The following SFMBT2 variants were observed in gnomAD, a reference collection of about 807,000 sequenced individuals.
SFMBT2 encodes scm-like with four MBT domains protein 2.
A neutral mutation model predicts 110.1 loss-of-function variants in SFMBT2; 38 were observed. The ratio of observed to expected loss-of-function variants is 0.35; its 90% confidence interval spans 0.27 to 0.45. The LOEUF (loss-of-function observed/expected upper bound fraction) is 0.45, where lower values mean the gene tolerates loss of function less well. Ranked by LOEUF, SFMBT2 falls within the 20% of genes least tolerant of loss-of-function variation. The pLI is 1.00. For missense variants in SFMBT2, 1,011 were observed against 1,094.9 expected (o/e 0.92, Z 1.08); for synonymous variants, 425 against 425.4 (o/e 1.00, Z 0.01).
intron 2 of SFMBT2, among the ~76,000 whole-genome samples, chr10:7,381,290 C>T (rs1845414814): frequency 6.6e-6 from 1 of 152,176 alleles, no homozygotes; most frequent in Admixed American, 6.5e-5. Flanking sequence ...GCATCTACTA[C>T]GTAGGCAGAT....
At chr10:7,342,291 T>C (rs571309729) in intron 4 of SFMBT2, among the ~76,000 whole-genome samples, 6 of 151,460 alleles carry the variant, frequency 4.0e-5, no homozygotes, top group African/African-American at 9.7e-5. Context: ...TAAGCATACA[T>C]GCCTGTGCAA....
chr10:7,314,547 T>C (rs1164082662), intron 4 of SFMBT2, among the ~76,000 whole-genome samples: 2 of 152,226 alleles, frequency 1.3e-5, no homozygotes, highest in Admixed American at 6.5e-5. Context: ...GTTGGGTTAT[T>C]ATCCCAGCCT....
chr10:7,218,129 A>G (rs1436125643), intron 11 of SFMBT2, among the ~76,000 whole-genome samples: 2 of 152,224 alleles, frequency 1.3e-5, no homozygotes, highest in Admixed American at 1.3e-4. Flanking sequence ...AACTAATAAA[A>G]TTGTTACAAA....
At chr10:7,304,007 G>A (rs544573050) in intron 4 of SFMBT2, among the ~76,000 whole-genome samples, 10 of 152,284 alleles carry the variant, frequency 6.6e-5, no homozygotes, top group Admixed American at 1.3e-4. Flanking sequence ...AGGAGCCCAC[G>A]ATAAATGAAG....
At chr10:7,299,463 C>T (rs1842496536) in intron 4 of SFMBT2, among the ~76,000 whole-genome samples, 1 of 152,094 alleles carries the variant, frequency 6.6e-6, no homozygotes, top group Non-Finnish European at 1.5e-5. Flanking sequence ...ATTTACGTGG[C>T]CAACAAAGAT....
chr10:7,186,441 C>T (rs998312164), intron 16 of SFMBT2, among the ~76,000 whole-genome samples: 15 of 139,226 alleles, frequency 1.1e-4, no homozygotes, highest in African/African-American at 3.8e-4. Context: ...CACACACACA[C>T]ACACACACAC....
In SFMBT2 at chr10:7,279,081, C is replaced by CAA. The variant is rs531523401; in HGVS notation, c.773-2094_773-2093dup. Among the ~76,000 whole-genome samples the CAA allele has an allele frequency of 4.6e-3, 643 of 139,846 alleles. 2 individuals carry two copies. Among genetic ancestry groups the CAA allele is most frequent in the African/African-American group, 0.014 (527 of 37,066 alleles). The allele number at this position is 139,846 out of a possible 152,430, so 91.7% of individuals were successfully genotyped here. A position where few individuals can be genotyped will look rare whatever the true frequency, so the allele number is the denominator to read the frequency against. ...GTGCCACTGCACTGCACTTCATCTC[C>CAA]AAAAAAAAAAACCAAACAAACAAGA... On this transcript the variant is annotated intron_variant, in intron 6 of 20. Coordinates refer to ENST00000397167, the MANE Select transcript of SFMBT2 (RefSeq NM_001387889.1).
chr10:7,278,424 C>A (rs1841847082), intron 6 of SFMBT2, among the ~76,000 whole-genome samples: 1 of 152,166 alleles, frequency 6.6e-6, no homozygotes, highest in Non-Finnish European at 1.5e-5. Flanking sequence ...GGCACTGCAT[C>A]CAAACCACGG....
At chr10:7,228,789 CCTCT>C (rs71382094) in intron 9 of SFMBT2, among the ~76,000 whole-genome samples, 3 of 108,568 alleles carry the variant, frequency 2.8e-5, no homozygotes, top group Admixed American at 9.5e-5. Flanking sequence ...TCTCCCCCTC[CCTCT>C]CTCTCTCTCT....
chr10:7,234,796 T>C lies in SFMBT2; in HGVS notation c.1121-6859A>G, dbSNP rs1004632417. On this transcript the variant is annotated intron_variant, in intron 9 of 20. Coordinates refer to ENST00000397167, the MANE Select transcript of SFMBT2 (RefSeq NM_001387889.1). ...CAGACACCAAAAAAAAAGTAAAAAATAAAAAACCAAAACCTGAAAGAGCCC... is the reference window on the plus strand; with the variant it reads ...CAGACACCAAAAAAAAAGTAAAAAACAAAAAACCAAAACCTGAAAGAGCCC... 2.3e-4 allele frequency among the ~76,000 whole-genome samples: 34 copies of C among 146,620 alleles called. 1 individual carries two copies. The South Asian group carries it at 6.8e-3, about 29-fold the overall frequency.
chr10:7,323,587 T>A (rs1281315085), intron 4 of SFMBT2, among the ~76,000 whole-genome samples: 1 of 152,176 alleles, frequency 6.6e-6, no homozygotes, highest in African/African-American at 2.4e-5. Flanking sequence ...ATAGTGGTTT[T>A]TTCAATCTGA....
intron 1 of SFMBT2, among the ~76,000 whole-genome samples, chr10:7,393,035 A>ATATATATAT (rs1491369242): frequency 9.8e-5 from 2 of 20,334 alleles, no homozygotes; most frequent in Non-Finnish European, 1.7e-4. Context: ...ATATATATAT[A>ATATATATAT]ATTTTTTTTT....
intron 10 of SFMBT2, among the ~76,000 whole-genome samples, chr10:7,227,046 G>GCA (rs141587807): frequency 9.9e-5 from 15 of 151,642 alleles, no homozygotes; most frequent in East Asian, 1.9e-4. Context: ...ACACGCATGT[G>GCA]CACACACACA....
At chr10:7,204,922 G>T (rs144594671) in intron 12 of SFMBT2, 8 of 984,696 alleles carry the variant, frequency 8.1e-6, no homozygotes, top group South Asian at 4.7e-5. Flanking sequence ...GTGCATGTGC[G>T]TGTGTGCACA....
At chr10:7,198,608 G>A (rs1028872802) in intron 14 of SFMBT2, among the ~76,000 whole-genome samples, 5 of 152,230 alleles carry the variant, frequency 3.3e-5, no homozygotes, top group Admixed American at 2.6e-4. Context: ...TCTGAAGACG[G>A]TGAAGTAGAC....
At chr10:7,206,068 G>C in intron 11 of SFMBT2, 140 bp from the exon 12 acceptor site, 2 of 1,388,642 alleles carry the variant, frequency 1.4e-6, no homozygotes, top group East Asian at 2.6e-5. Context: ...AAACAAAATA[G>C]CCATATGGAA....
intron 4 of SFMBT2, among the ~76,000 whole-genome samples, chr10:7,362,758 G>A (rs1844764731): frequency 6.6e-6 from 1 of 152,192 alleles, no homozygotes; most frequent in African/African-American, 2.4e-5. Context: ...TTCTTTATGG[G>A]GGAAAATTCT....
chr10:7,257,556 G>C (rs974722410), intron 7 of SFMBT2, among the ~76,000 whole-genome samples: 2 of 152,184 alleles, frequency 1.3e-5, no homozygotes, highest in African/African-American at 2.4e-5. Flanking sequence ...ACGTGGCTGT[G>C]AGTATTAATC....
intron 11 of SFMBT2, chr10:7,215,680 G>A (rs936180636): frequency 4.2e-5 from 41 of 985,300 alleles, no homozygotes; most frequent in East Asian, 1.1e-4. Flanking sequence ...AGGAGAGTCC[G>A]CTGCAGGTGC....
Sources: gnomAD v4.1 joint callset for allele counts (sites outside exome capture counted in the v4.1 genomes callset) on GRCh38, gnomAD v4.1.1 for gene constraint, MANE v1.5 for transcripts, NCBI Gene and HGNC (gene_info 2026-07-23, HGNC 2026-07-21) for gene names.